The following DNHD1 variants were observed in gnomAD, a reference collection of about 807,000 sequenced individuals.
The protein encoded by DNHD1 is dynein heavy chain domain-containing protein 1.
DNHD1 carries 383 observed loss-of-function variants against 458.1 expected under a neutral mutation model. The observed-to-expected ratio is 0.84, with a 90% confidence interval of 0.77 to 0.91. DNHD1 has a LOEUF of 0.91. DNHD1 is among the 40% of genes least tolerant of loss of function. The probability of loss-of-function intolerance (pLI) is 0.00; values close to 1 mark genes in which losing one functional copy is unlikely to be tolerated. For missense variants in DNHD1, 5,336 were observed against 5,866.1 expected (o/e 0.91, Z 2.95); for synonymous variants, 2,203 against 2,376.9 (o/e 0.93, Z 2.13).
Position 6,572,002 on chromosome 11 carries a change from T to C in DNHD1, c.*16T>C. 14 of 1,584,298 alleles carry C rather than the reference T, an allele frequency of 8.8e-6. No homozygotes were observed. Among genetic ancestry groups the C allele is most frequent in the African/African-American group, 1.3e-5 (1 of 74,552 alleles). On this transcript the variant is annotated 3_prime_UTR_variant, in exon 43 of 43. Transcript: ENST00000254579. ...CCTGTCTTGAGCCCGTCTACCAAAA[T>C]AAAGTTGTAGTGATTCCATGAAAGA...
In DNHD1 at chr11:6,502,898, CTCA is replaced by C. The variant is rs779556726; in HGVS notation, c.893_895del (p.Leu298_Asn299delinsHis). ...CCTGAAGAAGATCCACTTCCTCTAT[CTCA>C]ATGTGGCTCCCAGCCGGTACTTTAG... is the stretch of plus-strand genomic sequence containing the variant. On this transcript the variant is annotated inframe_deletion, in exon 4 of 43. Transcript: ENST00000254579. The C allele has an allele frequency of 6.2e-7, 1 of 1,613,776 alleles. No homozygotes were observed. The highest frequency in any genetic ancestry group is 8.5e-7 in the Non-Finnish European group (1 of 1,179,856).
At chr11:6,529,230 A>T in intron 12 of DNHD1, 109 bp downstream of exon 12, 1 of 1,241,954 alleles carries the variant, frequency 8.1e-7, no homozygotes, top group Middle Eastern at 2.8e-4. Context: ...CAGGCCTCTT[A>T]TTGGACCTAT....
chr11:6,505,895 T>G lies in DNHD1; in HGVS notation c.920+2969T>G, dbSNP rs1852220789. On this transcript the variant is annotated intron_variant, in intron 4 of 42. Coordinates refer to ENST00000254579, the MANE Select transcript of DNHD1 (RefSeq NM_144666.3). This position sits in a 1 kb window ranked among gnomAD's most constrained non-coding sequence, Gnocchi z 4.4. ...TGTAATGATAGTAATGGTAACAATG[T>G]GGGATGGAATGCCTACAAACCATAG... Among the ~76,000 whole-genome samples the G allele has an allele frequency of 6.6e-6, 1 of 152,224 alleles. No individual in the cohort carries two copies. Among genetic ancestry groups the G allele is most frequent in the African/African-American group, 2.4e-5 (1 of 41,450 alleles).
intron 24 of DNHD1, among the ~76,000 whole-genome samples, chr11:6,550,894 C>T (rs777609274): frequency 3.3e-5 from 5 of 152,118 alleles, no homozygotes; most frequent in Non-Finnish European, 5.9e-5. Context: ...ACAAAAGAGA[C>T]ATAGTAAATC....
chr11:6,521,133 G>A (rs1419558392), intron 10 of DNHD1, among the ~76,000 whole-genome samples: 1 of 152,198 alleles, frequency 6.6e-6, no homozygotes. Flanking sequence ...AGACTCATTA[G>A]TTTACTAGTC....
intron 12 of DNHD1, among the ~76,000 whole-genome samples, chr11:6,532,005 C>T (rs2134410866): frequency 6.6e-6 from 1 of 152,254 alleles, no homozygotes; most frequent in African/African-American, 2.4e-5. Context: ...GATCAAGTGA[C>T]ATAACCTCTC....
intron 24 of DNHD1, among the ~76,000 whole-genome samples, chr11:6,552,730 A>C (rs1853386163): frequency 6.6e-6 from 1 of 152,050 alleles, no homozygotes; most frequent in African/African-American, 2.4e-5. Context: ...GCATGGGGGA[A>C]GCCGGCCCCG....
rs1853850845 is a variant in DNHD1 at position 6,571,485 on chromosome 11, G to A, written c.13911+62G>A. The A allele has an allele frequency of 2.0e-6, 3 of 1,483,460 alleles. No homozygotes were observed. Among genetic ancestry groups the A allele is most frequent in the Admixed American group, 2.3e-5 (1 of 43,696 alleles). 91.9% of individuals were successfully genotyped at this position (1,483,460 alleles called of 1,614,324 possible). A position where few individuals can be genotyped will look rare whatever the true frequency, so the allele number is the denominator to read the frequency against. ...CCCTCGAAGTCTCTAATTACACCTC[G>A]CAGTTACCCCTTCTTGGTGATCTTG... is the stretch of plus-strand genomic sequence containing the variant. On this transcript the variant is annotated intron_variant, in intron 42 of 42. Transcript: ENST00000254579. This position sits in a 1 kb window ranked among gnomAD's most constrained non-coding sequence, Gnocchi z 5.0.
intron 10 of DNHD1, among the ~76,000 whole-genome samples, chr11:6,527,859 C>T (rs947020901): frequency 6.6e-6 from 1 of 152,144 alleles, no homozygotes; most frequent in Admixed American, 6.6e-5. Flanking sequence ...TTAACCAGTT[C>T]CTAAAGAGTT....
Position 6,528,461 on chromosome 11 carries a change from G to A in DNHD1, c.1838-61G>A, listed in dbSNP as rs111696065. On this transcript the variant is annotated intron_variant, in intron 10 of 42. Transcript: ENST00000254579. Reference sequence around the variant, plus strand: ...TACACACACTGAGGGCAAGGAGAAAGGAAGATTGTTTGTGGGCTCTGGAGG... The same window carrying A: ...TACACACACTGAGGGCAAGGAGAAAAGAAGATTGTTTGTGGGCTCTGGAGG... 1,202 of 1,494,578 alleles carry A rather than the reference G, an allele frequency of 8.0e-4. 11 individuals carry two copies. In the African/African-American group the frequency reaches 0.015, roughly 19 times the overall value. 92.6% of individuals were successfully genotyped at this position (1,494,578 alleles called of 1,614,324 possible).
chr11:6,519,742 C>A lies in DNHD1; in HGVS notation c.1535C>A (p.Ala512Asp). 1 of 1,614,146 alleles carries A rather than the reference C, an allele frequency of 6.2e-7. No individual in the cohort carries two copies. Among genetic ancestry groups the A allele is most frequent in the Non-Finnish European group, 8.5e-7 (1 of 1,180,038 alleles). The change falls in exon 8 of 43, where the codon GCC becomes GAC. Residue 512 changes from alanine to aspartate, a missense_variant. Transcript: ENST00000254579. ...GAGCAGAAGCTGAAGCAAGCAGAGG[C>A]CTGGTGGCTGCAGCTGGGAAAGTTT... ...QLEQKLKQAE[A>D]WWLQLGKFAR... is the part of the protein sequence containing the mutation.
chr11:6,557,406 G>C lies in DNHD1; in HGVS notation c.8111G>C (p.Arg2704Thr), dbSNP rs1339825833. The C allele has an allele frequency of 9.7e-6, 15 of 1,550,982 alleles. No homozygotes were observed. Among genetic ancestry groups the C allele is most frequent in the Non-Finnish European group, 1.2e-5 (14 of 1,147,086 alleles). Residue 2704 changes from arginine to threonine, a missense_variant, in exon 25 of 43, where the codon AGG becomes ACG. Arg to Thr is a moderately conservative substitution (Grantham distance 71). Coordinates refer to ENST00000254579, the MANE Select transcript of DNHD1 (RefSeq NM_144666.3). Reference protein sequence around the residue: ...QESEEEEEEERVPEVESEGEL... With the variant: ...QESEEEEEEETVPEVESEGEL... ...AGTGAGGAGGAGGAGGAGGAGGAGA[G>C]GGTGCCCGAAGTAGAATCTGAAGGG...
chr11:6,535,498 T>C (rs983356104), intron 14 of DNHD1, among the ~76,000 whole-genome samples: 2 of 152,158 alleles, frequency 1.3e-5, no homozygotes, highest in Admixed American at 6.5e-5. Flanking sequence ...ACCTAAAGTG[T>C]CATTTTATAC....
chr11:6,507,364 T>A (rs1852249003), intron 4 of DNHD1, among the ~76,000 whole-genome samples: 1 of 152,202 alleles, frequency 6.6e-6, no homozygotes, highest in Admixed American at 6.5e-5. Context: ...TATCCCACAT[T>A]AAATGCAATA....
intron 14 of DNHD1, among the ~76,000 whole-genome samples, chr11:6,534,921 A>T (rs900155023): frequency 8.5e-5 from 13 of 152,114 alleles, no homozygotes; most frequent in Non-Finnish European, 4.4e-5. Context: ...TAATTTTTGT[A>T]TTTTTTGTAG....
intron 24 of DNHD1, among the ~76,000 whole-genome samples, chr11:6,551,830 A>G (rs2134438492): frequency 6.6e-6 from 1 of 152,172 alleles, no homozygotes; most frequent in East Asian, 1.9e-4. Flanking sequence ...AATCACAGCT[A>G]CTCGGGAGGC....
chr11:6,516,727 G>A (rs772279733), intron 7 of DNHD1, among the ~76,000 whole-genome samples: 1 of 152,052 alleles, frequency 6.6e-6, no homozygotes, highest in Admixed American at 6.5e-5. Flanking sequence ...TTACTGTAGG[G>A]TATGCCATTT....
At position 6,566,288 on chromosome 11, in the gene DNHD1, G is replaced by C; in HGVS notation, c.11101G>C (p.Glu3701Gln). 6.4e-7 allele frequency: 1 copy of C among 1,551,842 alleles called. No individual in the cohort carries two copies. Among genetic ancestry groups the C allele is most frequent in the South Asian group, 1.2e-5 (1 of 84,066 alleles). ...TGTGGAGCTGGGTCTAGGGTGCGAAGAACTGCAATGGCTGCTGCAACGGGA... is the reference window on the plus strand; with the variant it reads ...TGTGGAGCTGGGTCTAGGGTGCGAACAACTGCAATGGCTGCTGCAACGGGA... The part of the protein sequence containing the change: ...TNVELGLGCE[E>Q]LQWLLQREQL... Residue 3701 changes from glutamate to glutamine, a missense_variant, in exon 34 of 43, where the codon GAA becomes CAA. Glu to Gln is a conservative substitution (Grantham distance 29). Around this residue, in one of 4 missense-constraint regions of DNHD1, gnomAD observed 695 missense variants for 804.2 expected, o/e 0.86. Coordinates refer to ENST00000254579, the MANE Select transcript of DNHD1 (RefSeq NM_144666.3).
At chr11:6,539,824 C>G (rs752195004) in intron 17 of DNHD1, 52 bp from the exon 18 acceptor site, 14 of 1,507,336 alleles carry the variant, frequency 9.3e-6, no homozygotes, top group Non-Finnish European at 1.3e-5. Context: ...GGCTCCAAGC[C>G]TGTCCCCGAA....
Sources: allele counts gnomAD v4.1 joint callset (sites outside exome capture counted in the v4.1 genomes callset), GRCh38; gene constraint gnomAD v4.1.1; regional missense constraint gnomAD v4.1.1; non-coding constraint Gnocchi (gnomAD v3.1); transcripts MANE v1.5; gene names NCBI Gene and HGNC (gene_info 2026-07-23, HGNC 2026-07-21).